PRKD1: variants seen among roughly 807,000 people sequenced by gnomAD.
PRKD1 encodes the protein serine/threonine-protein kinase D1.
Under a neutral mutation model 95.9 loss-of-function variants are expected in PRKD1, and 63 were observed. That is an observed-to-expected ratio of 0.66 (90% CI 0.54 to 0.81). The LOEUF is 0.81. PRKD1 is among the 30% of genes least tolerant of loss of function. The pLI, the probability that PRKD1 is intolerant of heterozygous loss-of-function variation, is 0.00. For synonymous variants in PRKD1, 425 were observed against 423.1 expected (o/e 1.00, Z -0.05); for missense variants, 1,048 against 1,165.3 (o/e 0.90, Z 1.47).
chr14:29,898,884 T>C (rs1566661466), intron 1 of PRKD1, among the ~76,000 whole-genome samples: 1 of 152,212 alleles, frequency 6.6e-6, no homozygotes, highest in Non-Finnish European at 1.5e-5. Context: ...TATTAAAGAC[T>C]CCTATCTGGA....
chr14:29,645,654 C>T (rs1032544467), intron 4 of PRKD1, among the ~76,000 whole-genome samples: 1 of 152,066 alleles, frequency 6.6e-6, no homozygotes, highest in Non-Finnish European at 1.5e-5. Flanking sequence ...TGCTTCAGGA[C>T]ATATAAATAT....
intron 1 of PRKD1, among the ~76,000 whole-genome samples, chr14:29,841,173 A>G (rs927464684): frequency 6.6e-6 from 1 of 152,208 alleles, no homozygotes; most frequent in African/African-American, 2.4e-5. Flanking sequence ...TTTTGATTTT[A>G]CAGGCTCATA....
chr14:29,926,324 C>T (rs544832858), intron 1 of PRKD1, among the ~76,000 whole-genome samples: 2 of 152,354 alleles, frequency 1.3e-5, no homozygotes, highest in Admixed American at 6.5e-5. Flanking sequence ...GAAACGCTGG[C>T]TGTTTACACT....
At chr14:29,857,791 T>C (rs1172221392) in intron 1 of PRKD1, among the ~76,000 whole-genome samples, 1 of 152,096 alleles carries the variant, frequency 6.6e-6, no homozygotes, top group Non-Finnish European at 1.5e-5. Context: ...TCTAAGGTGG[T>C]GAAAATCTGA....
chr14:29,777,216 C>T (rs1888805070), intron 1 of PRKD1, among the ~76,000 whole-genome samples: 2 of 152,162 alleles, frequency 1.3e-5, no homozygotes, highest in South Asian at 2.1e-4. Flanking sequence ...ATCATCAATG[C>T]TAGGAAGAAA....
intron 2 of PRKD1, among the ~76,000 whole-genome samples, chr14:29,695,285 G>A (rs1884452740): frequency 6.6e-6 from 1 of 151,852 alleles, no homozygotes; most frequent in Non-Finnish European, 1.5e-5. Flanking sequence ...TGAATGAGGT[G>A]GAAAATGACT....
At position 29,826,651 on chromosome 14, in the gene PRKD1, ATG is replaced by A. The variant is rs1430957114; in HGVS notation, c.264+100596_264+100597del. Reference sequence around the variant, plus strand: ...CATATATATGTGTGTGTGTATATATATGTGTGTGTGTGTATATATGTGTATAT... The same window carrying A: ...CATATATATGTGTGTGTGTATATATATGTGTGTGTGTATATATGTGTATAT... On this transcript the variant is annotated intron_variant, in intron 1 of 17. Coordinates refer to ENST00000331968, the MANE Select transcript of PRKD1 (RefSeq NM_002742.3). Among the ~76,000 whole-genome samples the A allele has an allele frequency of 9.0e-3, 359 of 39,888 alleles. 18 individuals are homozygous for A. The highest frequency in any genetic ancestry group is 0.013 in the Non-Finnish European group (300 of 23,042). The allele number at this position is 39,888 out of a possible 152,430, so 26.2% of individuals were successfully genotyped here. A position where few individuals can be genotyped will look rare whatever the true frequency, so the allele number is the denominator to read the frequency against.
chr14:29,712,664 T>C (rs555773827), intron 2 of PRKD1, among the ~76,000 whole-genome samples: 3 of 152,312 alleles, frequency 2.0e-5, no homozygotes, highest in African/African-American at 4.8e-5. Context: ...TCTTTCCAAA[T>C]ACATTTTTCT....
chr14:29,693,077 G>T lies in PRKD1; in HGVS notation c.404-26869C>A, dbSNP rs1012067976. On this transcript the variant is annotated intron_variant, in intron 2 of 17. Coordinates refer to ENST00000331968, the MANE Select transcript of PRKD1 (RefSeq NM_002742.3). ...GGTAAAGAATTTGGGCATTTTTTTT[G>T]ATGCAAATGAGAAACATCTATTATT... 4.0e-5 allele frequency among the ~76,000 whole-genome samples: 6 copies of T among 150,882 alleles called. No homozygotes were observed. The South Asian group carries it at 6.3e-4, about 16-fold the overall frequency.
intron 2 of PRKD1, among the ~76,000 whole-genome samples, chr14:29,702,321 C>T (rs1401467573): frequency 2.6e-5 from 4 of 152,008 alleles, no homozygotes; most frequent in Non-Finnish European, 5.9e-5. Flanking sequence ...TGCTTATATA[C>T]AATTTCTTTT....
chr14:29,891,978 C>T (rs1893952499), intron 1 of PRKD1, among the ~76,000 whole-genome samples: 1 of 152,162 alleles, frequency 6.6e-6, no homozygotes, highest in Non-Finnish European at 1.5e-5. Flanking sequence ...CCCACTAATG[C>T]TGATGAATAC....
At chr14:29,775,864 C>A (rs1052250539) in intron 1 of PRKD1, among the ~76,000 whole-genome samples, 39 of 152,180 alleles carry the variant, frequency 2.6e-4, no homozygotes, top group Non-Finnish European at 4.4e-5. Flanking sequence ...GGGCCCCTGA[C>A]CCCCGAGTAG....
intron 2 of PRKD1, among the ~76,000 whole-genome samples, chr14:29,720,714 A>G (rs1212347770): frequency 6.6e-6 from 1 of 151,756 alleles, no homozygotes. Flanking sequence ...CGGGAGGTGG[A>G]GGTTGCAGTG....
intron 16 of PRKD1, among the ~76,000 whole-genome samples, chr14:29,583,560 C>T (rs1375573094): frequency 6.6e-6 from 1 of 152,138 alleles, no homozygotes; most frequent in Admixed American, 6.6e-5. Context: ...GTCTTTCTAA[C>T]ATTATTCTGA....
intron 1 of PRKD1, among the ~76,000 whole-genome samples, chr14:29,788,672 T>G (rs1889385075): frequency 6.6e-6 from 1 of 152,150 alleles, no homozygotes; most frequent in African/African-American, 2.4e-5. Context: ...GAAATTAGTT[T>G]TTCTGCTTCA....
At chr14:29,891,602 C>T (rs1243501004) in intron 1 of PRKD1, among the ~76,000 whole-genome samples, 3 of 151,758 alleles carry the variant, frequency 2.0e-5, no homozygotes, top group Non-Finnish European at 4.4e-5. Flanking sequence ...TCCTATGACT[C>T]TCTAAGGCAG....
At chr14:29,810,681 C>A (rs1890445786) in intron 1 of PRKD1, among the ~76,000 whole-genome samples, 1 of 152,236 alleles carries the variant, frequency 6.6e-6, no homozygotes, top group African/African-American at 2.4e-5. Context: ...ATTGTGGTGA[C>A]ATTAGCTTGG....
intron 1 of PRKD1, among the ~76,000 whole-genome samples, chr14:29,885,904 T>C (rs1373417234): frequency 6.6e-6 from 1 of 150,726 alleles, no homozygotes; most frequent in African/African-American, 2.4e-5. Flanking sequence ...GAGGTGGAGG[T>C]TGCAGGGAGC....
intron 1 of PRKD1, among the ~76,000 whole-genome samples, chr14:29,816,680 C>CT (rs1006285033): frequency 9.2e-5 from 14 of 152,300 alleles, no homozygotes; most frequent in Non-Finnish European, 1.3e-4. Flanking sequence ...TTTACTCTGA[C>CT]TTTGCACCTC....
Sources: allele counts gnomAD v4.1 joint callset (sites outside exome capture counted in the v4.1 genomes callset), GRCh38; gene constraint gnomAD v4.1.1; transcripts MANE v1.5; gene names NCBI Gene and HGNC (gene_info 2026-07-23, HGNC 2026-07-21).